Variants in UGGT1 observed in about 807,000 individuals in gnomAD.
The protein encoded by UGGT1 is UDP-glucose glycoprotein glucosyltransferase 1.
UGGT1 carries 107 observed loss-of-function variants against 203.9 expected under a neutral mutation model. That is an observed-to-expected ratio of 0.52 (90% CI 0.45 to 0.62). The LOEUF is 0.62. UGGT1 is among the 20% of genes least tolerant of loss of function. The pLI, the probability that UGGT1 is intolerant of heterozygous loss-of-function variation, is 0.00. For synonymous variants in UGGT1, 628 were observed against 653.5 expected, an observed-to-expected ratio of 0.96 and a Z score of 0.59; for missense variants, 1,673 against 1,867.2, an observed-to-expected ratio of 0.90 and a Z score of 1.92.
Position 128,114,985 on chromosome 2 carries a change from T to TA in UGGT1, c.697-133dup, listed in dbSNP as rs992251016. 1.6e-5 allele frequency: 12 copies of TA among 764,826 alleles called. No individual in the cohort carries two copies. In the African/African-American group the frequency reaches 2.1e-4, roughly 13 times the overall value. 47.4% of individuals were successfully genotyped at this position (764,826 alleles called of 1,614,324 possible). The stretch of plus-strand genomic sequence containing the variant: ...TTCTTAGCCATATAGTTAATATCGT[T>TA]AAAAAACAATTTAAAGATATTTTGA... On this transcript the variant is annotated intron_variant, in intron 6 of 40. Transcript: ENST00000259253.
At chr2:128,119,819 C>T (rs13007581) in intron 8 of UGGT1, among the ~76,000 whole-genome samples, 134,178 of 150,918 alleles carry the variant, frequency 0.89, 60,615 homozygotes, top group Non-Finnish European at 0.97. Flanking sequence ...ATTAAGCTTT[C>T]TTTTTTTCCC....
chr2:128,123,047 C>G, intron 10 of UGGT1, 139 bp from the exon 11 acceptor site: 1 of 550,676 alleles, frequency 1.8e-6, no homozygotes, highest in Non-Finnish European at 3.1e-6. Flanking sequence ...ATATATTTAT[C>G]AATTATAAAA....
At position 128,132,926 on chromosome 2, in the gene UGGT1, T is replaced by C. The variant is rs111367505; in HGVS notation, c.1378-215T>C. Among the ~76,000 whole-genome samples, 1,443 of 152,198 alleles carry C rather than the reference T, an allele frequency of 9.5e-3. 23 individuals carry two copies. The highest frequency in any genetic ancestry group is 0.032 in the African/African-American group (1,319 of 41,532). On this transcript the variant is annotated intron_variant, in intron 13 of 40. Coordinates refer to ENST00000259253, the MANE Select transcript of UGGT1 (RefSeq NM_020120.4). ...CTCATAATATTGCCCAGGCTGGTCT[T>C]GAACTCCTGGGCTCAAGTGATCCTC... is the stretch of plus-strand genomic sequence containing the variant.
chr2:128,151,000 G>A (rs1210902069), intron 18 of UGGT1, among the ~76,000 whole-genome samples: 3 of 152,088 alleles, frequency 2.0e-5, no homozygotes, highest in African/African-American at 7.2e-5. Context: ...ACAGGCGCCC[G>A]CCACCATGCC....
At position 128,194,266 on chromosome 2, in the gene UGGT1, C is replaced by CT. The variant is rs11402174; in HGVS notation, c.*4537dup. 80,156 of 143,664 alleles carry CT rather than the reference C, an allele frequency of 0.56. 22,313 individuals are homozygous for CT. The highest frequency in any genetic ancestry group is 0.64 in the South Asian group (2,941 of 4,560). 8.9% of individuals were successfully genotyped at this position (143,664 alleles called of 1,614,324 possible). On this transcript the variant is annotated 3_prime_UTR_variant, in exon 41 of 41. Coordinates refer to ENST00000259253, the MANE Select transcript of UGGT1 (RefSeq NM_020120.4). ...CGCCACCACACCCGGCTAATTTTTG[C>CT]TTTTTTTTTTTTTGAGACAGAATCT...
chr2:128,175,477 T>A (rs1691324948), intron 31 of UGGT1, among the ~76,000 whole-genome samples: 1 of 152,226 alleles, frequency 6.6e-6, no homozygotes, highest in South Asian at 2.1e-4. Flanking sequence ...AGGCTTCCCG[T>A]CAGGTTGTGT....
chr2:128,166,466 T>C (rs1288813242), intron 26 of UGGT1, among the ~76,000 whole-genome samples: 1 of 152,216 alleles, frequency 6.6e-6, no homozygotes, highest in Non-Finnish European at 1.5e-5. Flanking sequence ...TACAGTAATA[T>C]TAAAACACAA....
chr2:128,159,567 A>G lies in UGGT1; in HGVS notation c.2409A>G (p.Ile803Met). 6.2e-7 allele frequency: 1 copy of G among 1,614,226 alleles called. No homozygotes were observed. The highest frequency in any genetic ancestry group is 2.2e-5 in the East Asian group (1 of 44,888). ...ISMINNPAKE[I>M]SYENTQISRA... is the part of the protein sequence containing the mutation. ...TGATCAATAATCCTGCCAAAGAGAT[A>G]AGCTATGAGAACACTCAGATCTCCA... Residue 803 changes from isoleucine (I) to methionine (M), a missense_variant, in exon 23 of 41, where the codon ATA (isoleucine) becomes ATG (methionine). Coordinates refer to ENST00000259253, the MANE Select transcript of UGGT1 (RefSeq NM_020120.4).
At chr2:128,103,148 A>G (rs947609810) in intron 2 of UGGT1, 1 of 470,554 alleles carries the variant, frequency 2.1e-6, no homozygotes, top group Non-Finnish European at 4.4e-6. Flanking sequence ...TTGGCTAGGT[A>G]AGCTGAGATC....
At chr2:128,095,145 C>A (rs966176426) in intron 1 of UGGT1, among the ~76,000 whole-genome samples, 1 of 152,084 alleles carries the variant, frequency 6.6e-6, no homozygotes, top group Non-Finnish European at 1.5e-5. Context: ...CAGAAAAGGC[C>A]TATATCCTCT....
chr2:128,106,032 A>G (rs560629839), intron 3 of UGGT1, among the ~76,000 whole-genome samples: 192 of 151,638 alleles, frequency 1.3e-3, no homozygotes, highest in Non-Finnish European at 2.1e-3. Flanking sequence ...TGGCCTCAAG[A>G]CATCCCTGCC....
intron 2 of UGGT1, among the ~76,000 whole-genome samples, chr2:128,103,523 C>T (rs2105346603): frequency 6.6e-6 from 1 of 152,210 alleles, no homozygotes; most frequent in African/African-American, 2.4e-5. Flanking sequence ...TTAGGCAAAA[C>T]ATATTTTTTG....
chr2:128,119,915 T>C (rs1206474858), intron 8 of UGGT1, among the ~76,000 whole-genome samples: 1 of 151,308 alleles, frequency 6.6e-6, no homozygotes, highest in Admixed American at 6.6e-5. Context: ...ATAGCCGAAG[T>C]CTCCTTTGTT....
At chr2:128,178,327 G>A in intron 33 of UGGT1, 141 bp from the exon 34 acceptor site, 2 of 707,888 alleles carry the variant, frequency 2.8e-6, no homozygotes, top group Non-Finnish European at 4.8e-6. Flanking sequence ...TCCAGGGTGT[G>A]AGGGAAGCTT....
chr2:128,190,564 T>A lies in UGGT1; in HGVS notation c.*822T>A, dbSNP rs1692211382. The A allele has an allele frequency of 6.6e-6, 1 of 152,218 alleles. No homozygotes were observed. The highest frequency in any genetic ancestry group is 2.4e-5 in the African/African-American group (1 of 41,452). The allele number at this position is 152,218 out of a possible 1,614,324, so 9.4% of individuals were successfully genotyped here. ...AATTGTTTTGAAAACAATTTTTGTATCTGTGAAAGTCTTTGCTTTTTCTTT... is the reference window on the plus strand; with the variant it reads ...AATTGTTTTGAAAACAATTTTTGTAACTGTGAAAGTCTTTGCTTTTTCTTT... On this transcript the variant is annotated 3_prime_UTR_variant, in exon 41 of 41. Transcript: ENST00000259253.
intron 1 of UGGT1, among the ~76,000 whole-genome samples, chr2:128,094,180 A>C (rs907356160): frequency 6.6e-6 from 1 of 152,148 alleles, no homozygotes; most frequent in Non-Finnish European, 1.5e-5. Flanking sequence ...AAACATAGCT[A>C]ATAGCGTAAT....
Position 128,190,933 on chromosome 2 carries a change from A to G in UGGT1, c.*1191A>G, listed in dbSNP as rs1158620933. On this transcript the variant is annotated 3_prime_UTR_variant, in exon 41 of 41. Transcript: ENST00000259253. Reference sequence around the variant, plus strand: ...GCATCGTGAAGCCCCATTTGCCTTTAGTCCCTGCTTTGTGTGTCTTCACTT... The same window carrying G: ...GCATCGTGAAGCCCCATTTGCCTTTGGTCCCTGCTTTGTGTGTCTTCACTT... 1 of 152,318 alleles carries G rather than the reference A, an allele frequency of 6.6e-6. No individual in the cohort carries two copies. Among genetic ancestry groups the G allele is most frequent in the Non-Finnish European group, 1.5e-5 (1 of 68,106 alleles). The allele number at this position is 152,318 out of a possible 1,614,324, so 9.4% of individuals were successfully genotyped here.
chr2:128,187,694 G>T, intron 40 of UGGT1, 80 bp downstream of exon 40: 1 of 1,383,014 alleles, frequency 7.2e-7, no homozygotes, highest in Non-Finnish European at 9.6e-7. Flanking sequence ...ATAGAATAAT[G>T]GATAAAAGGA....
Position 128,113,064 on chromosome 2 carries a change from C to T in UGGT1, c.522-20C>T. 3.5e-6 allele frequency: 5 copies of T among 1,445,466 alleles called. No individual in the cohort carries two copies. In the South Asian group the frequency reaches 6.3e-5, roughly 18 times the overall value. 89.5% of individuals were successfully genotyped at this position (1,445,466 alleles called of 1,614,324 possible). Reference sequence around the variant, plus strand: ...TCACAATTATTTTTAAAGTTTTGAGCTTTTATTATTTATTTTCAGACCCAA... The same window carrying T: ...TCACAATTATTTTTAAAGTTTTGAGTTTTTATTATTTATTTTCAGACCCAA... On this transcript the variant is annotated intron_variant, in intron 5 of 40. Transcript: ENST00000259253.
Sources: allele counts gnomAD v4.1 joint callset (sites outside exome capture counted in the v4.1 genomes callset), GRCh38; gene constraint gnomAD v4.1.1; transcripts MANE v1.5; gene names NCBI Gene and HGNC (gene_info 2026-07-23, HGNC 2026-07-21).